CEP162: variants seen among roughly 807,000 people sequenced by gnomAD.
CEP162 encodes centrosomal protein 162.
In CEP162, 141 loss-of-function variants were observed where a neutral mutation model predicts 169.2. The observed-to-expected ratio is 0.83, with a 90% confidence interval of 0.73 to 0.96. The LOEUF is 0.96. Ranked by LOEUF, CEP162 falls within the 40% of genes least tolerant of loss-of-function variation. The pLI is 0.00. For synonymous variants in CEP162, 540 were observed against 526.4 expected (o/e 1.03, Z -0.35); for missense variants, 1,600 against 1,587.2 (o/e 1.01, Z -0.14).
chr6:84,172,845 G>C (rs949338036), intron 16 of CEP162, among the ~76,000 whole-genome samples: 19 of 152,144 alleles, frequency 1.2e-4, no homozygotes, highest in Non-Finnish European at 7.4e-5. Flanking sequence ...TGAGAGACAA[G>C]AAAGGAGAGA....
chr6:84,215,999 T>C lies in CEP162; in HGVS notation c.173-77A>G, dbSNP rs1446862402. On this transcript the variant is annotated intron_variant, in intron 3 of 26. Coordinates refer to ENST00000403245, the MANE Select transcript of CEP162 (RefSeq NM_014895.4). ...GGCCACTATGACAACACAATAATAA[T>C]GTTATGCTAATTTTGTGCACAGTAG... 11 of 1,427,660 alleles carry C rather than the reference T, an allele frequency of 7.7e-6. No homozygotes were observed. In the South Asian group the frequency reaches 1.3e-4, roughly 17 times the overall value. 88.4% of individuals were successfully genotyped at this position (1,427,660 alleles called of 1,614,324 possible).
intron 23 of CEP162, among the ~76,000 whole-genome samples, chr6:84,149,977 GA>G (rs1247820716): frequency 2.0e-5 from 3 of 152,130 alleles, no homozygotes; most frequent in African/African-American, 7.2e-5. Context: ...TACACTTTCT[GA>G]GGGAATCTAG....
chr6:84,226,330 A>C lies in CEP162; in HGVS notation c.57+7T>G, dbSNP rs114619744. 1,115 of 1,532,378 alleles carry C rather than the reference A, an allele frequency of 7.3e-4. 9 individuals carry two copies. The African/African-American group carries it at 0.014, about 19-fold the overall frequency. The allele number at this position is 1,532,378 out of a possible 1,614,324, so 94.9% of individuals were successfully genotyped here. ...TGACAATATAGCTTTTAAAAATATA[A>C]ACTTACCTCTTTCATAAACTGTTCA... On this transcript the variant is annotated splice_region_variant and intron_variant, in intron 2 of 26. Coordinates refer to ENST00000403245, the MANE Select transcript of CEP162 (RefSeq NM_014895.4).
At chr6:84,216,357 A>C (rs552021290) in intron 3 of CEP162, among the ~76,000 whole-genome samples, 1 of 152,282 alleles carries the variant, frequency 6.6e-6, no homozygotes, top group African/African-American at 2.4e-5. Context: ...AAGTAGGTAC[A>C]ATTAAAAACC....
intron 13 of CEP162, among the ~76,000 whole-genome samples, chr6:84,179,014 T>C (rs2099533605): frequency 6.6e-6 from 1 of 152,218 alleles, no homozygotes; most frequent in Non-Finnish European, 1.5e-5. Context: ...GGCTGCATAG[T>C]ATTCCATGGT....
At chr6:84,175,051 T>C (rs1049063227) in intron 14 of CEP162, 97 bp from the exon 15 acceptor site, 36 of 949,214 alleles carry the variant, frequency 3.8e-5, no homozygotes, top group Non-Finnish European at 5.1e-5. Flanking sequence ...ACATGGTTAA[T>C]AATGTTCTAT....
At chr6:84,156,435 A>G (rs2099523196) in intron 21 of CEP162, among the ~76,000 whole-genome samples, 1 of 152,206 alleles carries the variant, frequency 6.6e-6, no homozygotes, top group African/African-American at 2.4e-5. Context: ...ATTTTTCAAA[A>G]GACATACAAG....
In CEP162 at chr6:84,185,248, C is replaced by T; in HGVS notation, c.1602G>A (p.Glu534=). The T allele has an allele frequency of 6.2e-7, 1 of 1,613,394 alleles. No homozygotes were observed. The highest frequency in any genetic ancestry group is 8.5e-7 in the Non-Finnish European group (1 of 1,179,508). The change falls in exon 13 of 27, where the codon GAG becomes GAA. Residue 534 remains glutamate (E), a synonymous_variant. Coordinates refer to ENST00000403245, the MANE Select transcript of CEP162 (RefSeq NM_014895.4). ...TCAAGTTTTTGCTTTTTATAATGTC[C>T]TCTGAAGTTTTCTTTTCAAGAGTAG... ...MFSTLEKKTS[E]DIIKSKNLRS...
rs201308993 is a variant in CEP162 at position 84,203,964 on chromosome 6, A to G, written c.687+17T>C. On this transcript the variant is annotated intron_variant, in intron 7 of 26. Coordinates refer to ENST00000403245, the MANE Select transcript of CEP162 (RefSeq NM_014895.4). ...AAAAAGTTGCAAAACTGTCAAATAT[A>G]TAATTGATATATATACCTGTTTGGG... The G allele has an allele frequency of 9.2e-6, 14 of 1,513,626 alleles. No homozygotes were observed. In the East Asian group the frequency reaches 2.5e-4, roughly 27 times the overall value. The allele number at this position is 1,513,626 out of a possible 1,614,324, so 93.8% of individuals were successfully genotyped here.
intron 21 of CEP162, among the ~76,000 whole-genome samples, chr6:84,159,526 TA>T (rs2099524638): frequency 2.7e-4 from 10 of 37,238 alleles, no homozygotes; most frequent in African/African-American, 1.1e-3. Flanking sequence ...TAATTATTTA[TA>T]TATATATATA....
Position 84,155,405 on chromosome 6 carries a change from C to G in CEP162, c.2887G>C (p.Glu963Gln), listed in dbSNP as rs944213475. The G allele has an allele frequency of 6.2e-7, 1 of 1,613,522 alleles. No individual in the cohort carries two copies. The highest frequency in any genetic ancestry group is 1.7e-4 in the Middle Eastern group (1 of 6,058). ...TTTTTTATCCTTTTCTCCATAAATT[C>G]CACTGTATTTTTATCCACTGTATCA... ...AGDTVDKNTV[E>Q]FMEKRIKKLE... is the part of the protein sequence containing the mutation. The change falls in exon 22 of 27, where the codon GAA (glutamate) becomes CAA (glutamine). Residue 963 changes from glutamate (E) to glutamine (Q), a missense_variant. Physicochemically the swap from Glu to Gln is conservative, Grantham distance 29 (BLOSUM62 2). Coordinates refer to ENST00000403245, the MANE Select transcript of CEP162 (RefSeq NM_014895.4).
At chr6:84,139,189 G>A (rs756919398) in intron 25 of CEP162, among the ~76,000 whole-genome samples, 5 of 152,148 alleles carry the variant, frequency 3.3e-5, no homozygotes, top group Non-Finnish European at 7.3e-5. Context: ...GAGGGCTCTA[G>A]ATGCTTATTA....
chr6:84,157,773 C>G (rs1410177015), intron 21 of CEP162, among the ~76,000 whole-genome samples: 1 of 152,180 alleles, frequency 6.6e-6, no homozygotes, highest in African/African-American at 2.4e-5. Context: ...GATAGTGCTT[C>G]TACACTCTAC....
chr6:84,221,037 T>C lies in CEP162; in HGVS notation c.172+20A>G. On this transcript the variant is annotated intron_variant, in intron 3 of 26. Coordinates refer to ENST00000403245, the MANE Select transcript of CEP162 (RefSeq NM_014895.4). Reference sequence around the variant, plus strand: ...CCCTTGTGGTCAAATAATTTGAAACTAAAAATCAGCAACATTTACCATCAT... The same window carrying C: ...CCCTTGTGGTCAAATAATTTGAAACCAAAAATCAGCAACATTTACCATCAT... The C allele has an allele frequency of 7.4e-7, 1 of 1,359,944 alleles. No homozygotes were observed. The highest frequency in any genetic ancestry group is 1.0e-6 in the Non-Finnish European group (1 of 953,540). 84.2% of individuals were successfully genotyped at this position (1,359,944 alleles called of 1,614,324 possible).
At chr6:84,219,587 A>C (rs1172761545) in intron 3 of CEP162, among the ~76,000 whole-genome samples, 1 of 152,176 alleles carries the variant, frequency 6.6e-6, no homozygotes, top group Non-Finnish European at 1.5e-5. Flanking sequence ...AAGCAGGGAG[A>C]GAGTCTAAAA....
At position 84,170,981 on chromosome 6, in the gene CEP162, C is replaced by A. The variant is rs2099529888; in HGVS notation, c.2279+625G>T. On this transcript the variant is annotated intron_variant, in intron 17 of 26. Transcript: ENST00000403245. ...TACTCCTTTCCACAGTACACTCCGGCCAGTGACTAAGGCTGCCCCCTTGCC... is the reference window on the plus strand; with the variant it reads ...TACTCCTTTCCACAGTACACTCCGGACAGTGACTAAGGCTGCCCCCTTGCC... 3.3e-5 allele frequency among the ~76,000 whole-genome samples: 5 copies of A among 152,282 alleles called. No individual in the cohort carries two copies. The South Asian group carries it at 8.3e-4, about 25-fold the overall frequency.
chr6:84,180,338 C>T (rs368695426), intron 13 of CEP162, among the ~76,000 whole-genome samples: 6 of 152,062 alleles, frequency 3.9e-5, no homozygotes, highest in East Asian at 1.9e-4. Flanking sequence ...ATTGATGGGA[C>T]GTATCTCAAA....
chr6:84,153,518 A>G (rs763675753), intron 22 of CEP162, among the ~76,000 whole-genome samples: 25 of 152,084 alleles, frequency 1.6e-4, no homozygotes, highest in Non-Finnish European at 3.5e-4. Context: ...CTGTCAACAC[A>G]CTCTTCGAGG....
intron 7 of CEP162, among the ~76,000 whole-genome samples, chr6:84,202,029 T>TA (rs1467073030): frequency 6.6e-6 from 1 of 152,216 alleles, no homozygotes; most frequent in Non-Finnish European, 1.5e-5. Context: ...AATTCTTGCT[T>TA]AAAGTATTTA....
Sources: allele counts gnomAD v4.1 joint callset (sites outside exome capture counted in the v4.1 genomes callset), GRCh38; gene constraint gnomAD v4.1.1; transcripts MANE v1.5; gene names NCBI Gene and HGNC (gene_info 2026-07-23, HGNC 2026-07-21).